The following MRTFA variants were observed in gnomAD, a reference collection of about 807,000 sequenced individuals.
MRTFA encodes myocardin-related transcription factor A.
Under a neutral mutation model 83.5 loss-of-function variants are expected in MRTFA, and 20 were observed. The ratio of observed to expected loss-of-function variants is 0.24; its 90% CI spans 0.17 to 0.35. MRTFA has a LOEUF of 0.35. Ranked by LOEUF, MRTFA falls within the 10% of genes least tolerant of loss-of-function variation. MRTFA has a pLI of 1.00. For missense variants in MRTFA, 1,200 were observed against 1,224.7 expected, an observed-to-expected ratio of 0.98 and a Z score of 0.30; for synonymous variants, 659 against 541.2, an observed-to-expected ratio of 1.22 and a Z score of -3.02.
intron 4 of MRTFA, among the ~76,000 whole-genome samples, chr22:40,443,240 A>C (rs2053313059): frequency 6.6e-6 from 1 of 152,164 alleles, no homozygotes. Flanking sequence ...CGACACAGCA[A>C]GACTGTCTCA....
chr22:40,417,238 G>A, intron 13 of MRTFA, 103 bp downstream of exon 13: 3 of 1,497,700 alleles, frequency 2.0e-6, no homozygotes, highest in Non-Finnish European at 2.7e-6. Flanking sequence ...CCTGAAGCTG[G>A]GCTTCGCCTG....
intron 3 of MRTFA, among the ~76,000 whole-genome samples, chr22:40,469,704 C>T (rs1019979370): frequency 6.6e-6 from 1 of 152,110 alleles, no homozygotes. Flanking sequence ...CAGGTCACAA[C>T]ACATACCAAG....
At chr22:40,536,044 T>TA (rs1288469976) in intron 3 of MRTFA, among the ~76,000 whole-genome samples, 1 of 151,396 alleles carries the variant, frequency 6.6e-6, no homozygotes, top group African/African-American at 2.4e-5. Context: ...AAGAAGCACT[T>TA]ACTTTCGTAG....
chr22:40,455,811 TG>T, intron 4 of MRTFA, among the ~76,000 whole-genome samples: 1 of 134,532 alleles, frequency 7.4e-6, no homozygotes, highest in Non-Finnish European at 1.6e-5. Flanking sequence ...CCAGTATGTA[TG>T]TATGTATGTA....
intron 3 of MRTFA, among the ~76,000 whole-genome samples, chr22:40,479,465 G>A (rs1335321370): frequency 6.6e-6 from 1 of 152,070 alleles, no homozygotes; most frequent in Non-Finnish European, 1.5e-5. Flanking sequence ...ACGAGAGAGA[G>A]CTGTTTTCCT....
chr22:40,626,446 C>T (rs921450020), intron 1 of MRTFA, among the ~76,000 whole-genome samples: 1 of 152,128 alleles, frequency 6.6e-6, no homozygotes, highest in African/African-American at 2.4e-5. Flanking sequence ...GTGCACAGCG[C>T]CGCGCCCGGT....
Position 40,429,616 on chromosome 22 carries a change from T to C in MRTFA, c.591A>G (p.Glu197=). The change falls in exon 7 of 15, where the codon GAA becomes GAG. Residue 197 remains glutamate (E), a synonymous_variant. Transcript: ENST00000355630. ...CTGGGTCCTCCTCACCAATGATGGCTTCCTTCAGGCTGGACTCAACAGGAA... is the reference window on the plus strand; with the variant it reads ...CTGGGTCCTCCTCACCAATGATGGCCTCCTTCAGGCTGGACTCAACAGGAA... The C allele has an allele frequency of 6.2e-7, 1 of 1,614,148 alleles. No individual in the cohort carries two copies. Among genetic ancestry groups the C allele is most frequent in the Non-Finnish European group, 8.5e-7 (1 of 1,180,016 alleles).
At chr22:40,617,212 G>A (rs1395513744) in intron 1 of MRTFA, among the ~76,000 whole-genome samples, 6 of 121,112 alleles carry the variant, frequency 5.0e-5, no homozygotes, top group African/African-American at 1.8e-4. Context: ...GAGGGAGGGA[G>A]GGAGGGAGGG....
intron 1 of MRTFA, among the ~76,000 whole-genome samples, chr22:40,625,160 G>A (rs965663123): frequency 6.6e-5 from 10 of 152,052 alleles, no homozygotes; most frequent in African/African-American, 2.4e-4. Context: ...GTATCAACAA[G>A]ATAATGTTAA....
intron 4 of MRTFA, among the ~76,000 whole-genome samples, chr22:40,450,285 C>T (rs1207682516): frequency 6.6e-6 from 1 of 152,078 alleles, no homozygotes; most frequent in African/African-American, 2.4e-5. Context: ...TCTGATGTAC[C>T]AAAGGGTTAT....
intron 3 of MRTFA, chr22:40,533,886 A>T (rs1196912989): frequency 2.9e-6 from 1 of 343,248 alleles, no homozygotes; most frequent in East Asian, 4.1e-5. Context: ...AAGTGTGGTT[A>T]GAACAGTGAG....
intron 3 of MRTFA, among the ~76,000 whole-genome samples, chr22:40,504,670 C>CAGTT (rs1428464547): frequency 6.6e-6 from 1 of 152,132 alleles, no homozygotes; most frequent in East Asian, 1.9e-4. Context: ...AAGAGGAAAG[C>CAGTT]AGTTACTTAT....
chr22:40,605,492 T>C (rs1173614396), intron 1 of MRTFA, among the ~76,000 whole-genome samples: 1 of 152,184 alleles, frequency 6.6e-6, no homozygotes, highest in Non-Finnish European at 1.5e-5. Flanking sequence ...GTGCACCTTG[T>C]AGGTCATGGG....
At chr22:40,417,665 A>C in intron 12 of MRTFA, 172 bp from the exon 13 acceptor site, 64 of 544,538 alleles carry the variant, frequency 1.2e-4, no homozygotes, top group East Asian at 4.0e-4. Context: ...AGGAAGGAAT[A>C]CAGGATGGGG....
At chr22:40,606,214 A>G (rs925527624) in intron 1 of MRTFA, among the ~76,000 whole-genome samples, 10 of 152,236 alleles carry the variant, frequency 6.6e-5, no homozygotes, top group Non-Finnish European at 1.3e-4. Flanking sequence ...ACAAGAATAA[A>G]TTTCTAGTAG....
At chr22:40,584,601 T>C (rs937843482) in intron 2 of MRTFA, among the ~76,000 whole-genome samples, 1 of 151,944 alleles carries the variant, frequency 6.6e-6, no homozygotes, top group African/African-American at 2.4e-5. Flanking sequence ...CCGGGTGTGG[T>C]GGCACATGCC....
chr22:40,561,026 G>GT (rs1018902683), intron 2 of MRTFA, among the ~76,000 whole-genome samples: 1 of 152,098 alleles, frequency 6.6e-6, no homozygotes, highest in African/African-American at 2.4e-5. Flanking sequence ...TAAACAATTG[G>GT]TAAAAAAACT....
At chr22:40,539,804 C>G (rs764713155) in intron 3 of MRTFA, among the ~76,000 whole-genome samples, 6 of 151,324 alleles carry the variant, frequency 4.0e-5, no homozygotes. Context: ...GCCCAGCCGA[C>G]GACAACTATT....
At chr22:40,629,368 C>T (rs1272472983) in intron 1 of MRTFA, among the ~76,000 whole-genome samples, 1 of 151,788 alleles carries the variant, frequency 6.6e-6, no homozygotes, top group Admixed American at 6.6e-5. Context: ...ATGGCTTGAA[C>T]CCGGGAGACG....
Sources: allele counts gnomAD v4.1 joint callset (sites outside exome capture counted in the v4.1 genomes callset), GRCh38; gene constraint gnomAD v4.1.1; transcripts MANE v1.5; gene names NCBI Gene and HGNC (gene_info 2026-07-23, HGNC 2026-07-21).